Variants in MYH10 observed in about 807,000 individuals in gnomAD.
The protein encoded by MYH10 is myosin-10.
A neutral mutation model predicts 257.8 loss-of-function variants in MYH10; 55 were observed. The ratio of observed to expected loss-of-function variants is 0.21; its 90% CI spans 0.17 to 0.27. MYH10 has a LOEUF of 0.27. Ranked by LOEUF, MYH10 falls within the 10% of genes least tolerant of loss-of-function variation. The probability of loss-of-function intolerance (pLI) is 1.00; values close to 1 mark genes in which losing one functional copy is unlikely to be tolerated. For synonymous variants in MYH10, 854 were observed against 921.7 expected (o/e 0.93, Z 1.33); for missense variants, 1,631 against 2,500.6 (o/e 0.65, Z 7.42).
intron 28 of MYH10, among the ~76,000 whole-genome samples, chr17:8,503,796 A>G (rs2080985578): frequency 6.6e-6 from 1 of 152,156 alleles, no homozygotes; most frequent in African/African-American, 2.4e-5. Context: ...GTGATGGGCT[A>G]TCCTTTCCAT....
In MYH10 at chr17:8,622,883, A is replaced by G. The variant is rs75036112; in HGVS notation, c.345+19T>C. 1 of 1,607,610 alleles carries G rather than the reference A, an allele frequency of 6.2e-7. No individual in the cohort carries two copies. Among genetic ancestry groups the G allele is most frequent in the South Asian group, 1.1e-5 (1 of 89,456 alleles). ...TTCCTAGCTACCACTTCACATGATT[A>G]TTTGGAAGAAATACTTACATAGATT... On this transcript the variant is annotated intron_variant, in intron 2 of 42. Coordinates refer to ENST00000360416, the MANE Select transcript of MYH10 (RefSeq NM_001256012.3).
chr17:8,511,017 T>TATATATATATATATAA (rs1567822870), intron 24 of MYH10: 18 of 3,204 alleles, frequency 5.6e-3, no homozygotes, highest in African/African-American at 7.5e-3. Context: ...ATGTACCCCA[T>TATATATATATATATAA]ATATATATAT....
At chr17:8,574,890 T>C (rs1322870469) in intron 6 of MYH10, among the ~76,000 whole-genome samples, 1 of 152,238 alleles carries the variant, frequency 6.6e-6, no homozygotes, top group Non-Finnish European at 1.5e-5. Flanking sequence ...ATGGTACCCT[T>C]CCACGGTGTG....
Position 8,481,337 on chromosome 17 carries a change from T to G in MYH10, c.5249A>C (p.Asn1750Thr), listed in dbSNP as rs762227698. ...ERDELADEIT[N>T]SASGKSALLD... is the part of the protein sequence containing the mutation. ...GGAGACTCACTTGCCAGAGGCGCTG[T>G]TGGTGATCTCGTCCGCCAGCTCATC... The change falls in exon 38 of 43, where the codon AAC becomes ACC. Residue 1750 changes from asparagine to threonine, a missense_variant. This residue lies in a region of MYH10 where 343 missense variants were observed against 389.5 expected (regional missense o/e 0.88). Coordinates refer to ENST00000360416, the MANE Select transcript of MYH10 (RefSeq NM_001256012.3). 8.7e-6 allele frequency: 14 copies of G among 1,613,946 alleles called. No individual in the cohort carries two copies. Among genetic ancestry groups the G allele is most frequent in the Non-Finnish European group, 1.2e-5 (14 of 1,179,994 alleles).
At chr17:8,614,280 T>C (rs1340966468) in intron 2 of MYH10, among the ~76,000 whole-genome samples, 4 of 149,546 alleles carry the variant, frequency 2.7e-5, no homozygotes, top group Admixed American at 2.0e-4. Context: ...GAAGATCCCC[T>C]AGATTTAGAA....
chr17:8,618,431 G>A (rs1314908418), intron 2 of MYH10, among the ~76,000 whole-genome samples: 4 of 152,030 alleles, frequency 2.6e-5, no homozygotes, highest in African/African-American at 9.7e-5. Flanking sequence ...TAGAGACAGG[G>A]TTTCTCCATG....
At chr17:8,501,034 T>C in intron 28 of MYH10, 64 bp from the exon 29 acceptor site, 1 of 1,485,238 alleles carries the variant, frequency 6.7e-7, no homozygotes, top group South Asian at 1.3e-5. Flanking sequence ...ACATTTTCTT[T>C]TTGAAAAAGT....
In MYH10 at chr17:8,551,995, TAA is replaced by T. The variant is rs780293929; in HGVS notation, c.919+49_919+50del. 8.5e-6 allele frequency: 9 copies of T among 1,064,828 alleles called. No homozygotes were observed. In the East Asian group the frequency reaches 2.2e-4, roughly 26 times the overall value. 66.0% of individuals were successfully genotyped at this position (1,064,828 alleles called of 1,614,324 possible). ...AAATTGTTTTTTCTCAAAAAAAAAT[TAA>T]AAGAGATATTCCAGTGAATATAAAA... On this transcript the variant is annotated intron_variant, in intron 9 of 42. Coordinates refer to ENST00000360416, the MANE Select transcript of MYH10 (RefSeq NM_001256012.3).
At chr17:8,599,016 G>A (rs1428548856) in intron 3 of MYH10, among the ~76,000 whole-genome samples, 1 of 152,158 alleles carries the variant, frequency 6.6e-6, no homozygotes, top group Non-Finnish European at 1.5e-5. Context: ...CTGTTGTAGT[G>A]ATTTCTAAAG....
chr17:8,558,280 CT>C (rs771583911), intron 7 of MYH10, among the ~76,000 whole-genome samples: 16 of 152,112 alleles, frequency 1.1e-4, no homozygotes, highest in Admixed American at 9.2e-4. Flanking sequence ...AACACTGAGG[CT>C]GTGCTTTTTC....
intron 36 of MYH10, among the ~76,000 whole-genome samples, chr17:8,486,020 G>T (rs912094016): frequency 3.3e-5 from 5 of 152,232 alleles, no homozygotes; most frequent in African/African-American, 1.2e-4. Flanking sequence ...ACTTGTTCAT[G>T]TGGCTACATG....
intron 4 of MYH10, among the ~76,000 whole-genome samples, chr17:8,578,661 CA>C (rs1188728320): frequency 6.6e-6 from 1 of 152,162 alleles, no homozygotes. Context: ...TGGCACATTT[CA>C]AAAGTTTTCA....
Position 8,552,954 on chromosome 17 carries a change from G to A in MYH10, c.821-810C>T, listed in dbSNP as rs1048227735. Among the ~76,000 whole-genome samples the A allele has an allele frequency of 2.6e-5, 4 of 152,194 alleles. No individual in the cohort carries two copies. Among genetic ancestry groups the A allele is most frequent in the Admixed American group, 6.5e-5 (1 of 15,274 alleles). On this transcript the variant is annotated intron_variant, in intron 8 of 42. Coordinates refer to ENST00000360416, the MANE Select transcript of MYH10 (RefSeq NM_001256012.3). The surrounding 1 kb of genome is among the most constrained non-coding windows in gnomAD (Gnocchi z 4.8). ...CAGATCCACAGTTCTTGATGCTCCC[G>A]GAGTTCCTATGGGTTGACAGTCACA...
chr17:8,582,736 T>C (rs571738907), intron 4 of MYH10, among the ~76,000 whole-genome samples: 1 of 152,370 alleles, frequency 6.6e-6, no homozygotes, highest in African/African-American at 2.4e-5. Context: ...AAAGAAGCAG[T>C]GATGCAGATC....
rs1916387592 is a variant in MYH10 at position 8,495,175 on chromosome 17, C to G, written c.4018G>C (p.Asp1340His). Residue 1340 changes from aspartate to histidine, a missense_variant, in exon 31 of 43, where the codon GAT becomes CAT. Asp to His is a moderately conservative substitution (Grantham distance 81, BLOSUM62 -1). This residue lies in a region of MYH10 where 463 missense variants were observed against 621.8 expected (regional missense o/e 0.74). Transcript: ENST00000360416. ...AGTTGAGACTCAAGACTAGCTGCAT[C>G]CTTAGCAAATTTAATACCCTTCTTC... ...AEKKGIKFAK[D>H]AASLESQLQD... The G allele has an allele frequency of 1.2e-6, 2 of 1,613,360 alleles. No homozygotes were observed. The highest frequency in any genetic ancestry group is 2.2e-5 in the South Asian group (2 of 91,058).
intron 7 of MYH10, among the ~76,000 whole-genome samples, chr17:8,563,575 T>C (rs2083063959): frequency 6.6e-6 from 1 of 152,238 alleles, no homozygotes; most frequent in African/African-American, 2.4e-5. Flanking sequence ...ATCTGGAAGA[T>C]GCTGGTTGCC....
chr17:8,541,435 A>C (rs2082285293), intron 14 of MYH10, among the ~76,000 whole-genome samples: 1 of 152,214 alleles, frequency 6.6e-6, no homozygotes, highest in Admixed American at 6.5e-5. Context: ...TGTTGAGCAA[A>C]AGCTAACTGA....
intron 3 of MYH10, among the ~76,000 whole-genome samples, chr17:8,590,985 G>A (rs932215447): frequency 6.9e-6 from 1 of 144,526 alleles, no homozygotes; most frequent in African/African-American, 2.6e-5. Flanking sequence ...CCATTCTCCT[G>A]CCTCAGTCTC....
At chr17:8,598,043 G>A (rs868764280) in intron 3 of MYH10, among the ~76,000 whole-genome samples, 2 of 151,998 alleles carry the variant, frequency 1.3e-5, no homozygotes, top group African/African-American at 2.4e-5. Flanking sequence ...TGCAGTGGGC[G>A]TGATCTCAGC....
Sources: gnomAD v4.1 joint callset for allele counts (sites outside exome capture counted in the v4.1 genomes callset) on GRCh38, gnomAD v4.1.1 for gene constraint, gnomAD v4.1.1 regional missense constraint, Gnocchi (gnomAD v3.1) non-coding constraint, MANE v1.5 for transcripts, NCBI Gene and HGNC (gene_info 2026-07-23, HGNC 2026-07-21) for gene names.